The following RXRA variants were observed in gnomAD, a reference collection of about 807,000 sequenced individuals.
RXRA encodes the protein retinoid X receptor alpha.
In RXRA, 5 loss-of-function variants were observed where a neutral mutation model predicts 44.5. The observed-to-expected ratio is 0.11, with a 90% confidence interval of 0.06 to 0.24. The LOEUF (loss-of-function observed/expected upper bound fraction) is 0.24. Ranked by LOEUF, RXRA falls within the 10% of genes least tolerant of loss-of-function variation. The pLI is 1.00. For synonymous variants in RXRA, 291 were observed against 271.4 expected (o/e 1.07, Z -0.71); for missense variants, 412 against 646.5 (o/e 0.64, Z 3.93).
At chr9:134,401,916 G>T in intron 2 of RXRA, 34 bp downstream of exon 2, 3 of 1,507,856 alleles carry the variant, frequency 2.0e-6, no homozygotes, top group South Asian at 1.2e-5. Context: ...GGAGGGGGTG[G>T]GGCCTGGGGT....
Position 134,431,891 on chromosome 9 carries a change from C to A in RXRA, c.1044-14C>A, listed in dbSNP as rs200243301. The A allele has an allele frequency of 2.0e-5, 32 of 1,606,200 alleles. No homozygotes were observed. Among genetic ancestry groups the A allele is most frequent in the Non-Finnish European group, 1.9e-5 (22 of 1,173,562 alleles). The stretch of plus-strand genomic sequence containing the variant: ...ACCTAACTGGGATGGGGTGTCTGCC[C>A]TCCTCCTCTGCAGGGTGCTGACGGA... On this transcript the variant is annotated splice_polypyrimidine_tract_variant and intron_variant, in intron 7 of 9. Transcript: ENST00000481739.
intron 1 of RXRA, among the ~76,000 whole-genome samples, chr9:134,380,763 C>T (rs113247114): frequency 6.6e-6 from 1 of 152,240 alleles, no homozygotes; most frequent in African/African-American, 2.4e-5. Flanking sequence ...TCCCCGGCAC[C>T]TGGGTCTGGC....
At chr9:134,402,116 G>C in intron 2 of RXRA, 1 of 549,160 alleles carries the variant, frequency 1.8e-6, no homozygotes, top group Non-Finnish European at 3.2e-6. Flanking sequence ...ACTTGCAGCT[G>C]GTTATCTGCC....
At chr9:134,361,380 G>A (rs1419603034) in intron 1 of RXRA, among the ~76,000 whole-genome samples, 2 of 152,160 alleles carry the variant, frequency 1.3e-5, no homozygotes, top group Non-Finnish European at 2.9e-5. Context: ...CTGTGTGCCC[G>A]GCCCCTGGGC....
At chr9:134,410,814 A>G (rs1831136170) in intron 4 of RXRA, among the ~76,000 whole-genome samples, 1 of 152,212 alleles carries the variant, frequency 6.6e-6, no homozygotes, top group Non-Finnish European at 1.5e-5. Context: ...TGGGGGCTTC[A>G]GGGAGACCCC....
chr9:134,398,536 G>A (rs961529523), intron 1 of RXRA, among the ~76,000 whole-genome samples: 1 of 152,178 alleles, frequency 6.6e-6, no homozygotes, highest in African/African-American at 2.4e-5. Context: ...TATGGACGGA[G>A]TCTGTGTAAA....
rs1243292200 is a variant in RXRA, at chr9:134,417,704, A to G, written c.780+377A>G. Among the ~76,000 whole-genome samples the G allele has an allele frequency of 5.9e-5, 9 of 151,962 alleles. No individual in the cohort carries two copies. Among genetic ancestry groups the G allele is most frequent in the Non-Finnish European group, 7.4e-5 (5 of 67,962 alleles). On this transcript the variant is annotated intron_variant, in intron 5 of 9. Coordinates refer to ENST00000481739, the MANE Select transcript of RXRA (RefSeq NM_002957.6). The surrounding 1 kb of genome is among the most constrained non-coding windows in gnomAD (Gnocchi z 6.1). ...CCCTGCTCCCCGGTGCCACTTGGAA[A>G]AGGTATGGGAGGAGGCCGAGCCCCC...
At chr9:134,381,685 A>G (rs1830648341) in intron 1 of RXRA, among the ~76,000 whole-genome samples, 1 of 152,028 alleles carries the variant, frequency 6.6e-6, no homozygotes, top group Non-Finnish European at 1.5e-5. Context: ...CAAGTGAATG[A>G]CAGAGCCCCT....
At chr9:134,374,241 A>G (rs1395097564) in intron 1 of RXRA, 1 of 152,326 alleles carries the variant, frequency 6.6e-6, no homozygotes, top group Non-Finnish European at 1.5e-5. Context: ...ACTCAAACCC[A>G]GATCCGCAGG....
At chr9:134,383,764 T>A (rs919942829) in intron 1 of RXRA, among the ~76,000 whole-genome samples, 4 of 152,062 alleles carry the variant, frequency 2.6e-5, no homozygotes, top group Admixed American at 2.6e-4. Context: ...GACGGGTAGG[T>A]GGGCTGTGAT....
At chr9:134,413,734 C>G (rs556526354) in intron 4 of RXRA, among the ~76,000 whole-genome samples, 2 of 152,172 alleles carry the variant, frequency 1.3e-5, no homozygotes, top group Non-Finnish European at 2.9e-5. Context: ...TCCTGCTTGA[C>G]CCTGAGGGGC....
chr9:134,409,061 G>T lies in RXRA; in HGVS notation c.552G>T (p.Arg184=). ...NKDCLIDKRQ[R]NRCQYCRYQK... is the part of the protein sequence containing the mutation. ...ACTGCCTGATTGACAAGCGGCAGCG[G>T]AACCGGTGCCAGTACTGCCGCTACC... The change falls in exon 4 of 10, where the codon CGG becomes CGT. Residue 184 remains arginine, a synonymous_variant. Coordinates refer to ENST00000481739, the MANE Select transcript of RXRA (RefSeq NM_002957.6). 1.9e-6 allele frequency: 3 copies of T among 1,611,640 alleles called. No individual in the cohort carries two copies. The highest frequency in any genetic ancestry group is 2.5e-6 in the Non-Finnish European group (3 of 1,179,010).
intron 5 of RXRA, among the ~76,000 whole-genome samples, chr9:134,419,540 G>C (rs1427591419): frequency 1.3e-5 from 2 of 152,184 alleles, no homozygotes; most frequent in Admixed American, 1.3e-4. Flanking sequence ...CCTTCTCTCA[G>C]ATGGGCAAAC....
In RXRA at chr9:134,343,337, C is replaced by T. The variant is rs1830109259; in HGVS notation, c.28+16678C>T. On this transcript the variant is annotated intron_variant, in intron 1 of 9. Transcript: ENST00000481739. This position sits in a 1 kb window ranked among gnomAD's most constrained non-coding sequence, Gnocchi z 4.1. ...GCAGGGAAGGCCCTGGCTGGGGTTG[C>T]CTCTGAACCTCAGTGTCTTTGAGGG... is the stretch of plus-strand genomic sequence containing the variant. Among the ~76,000 whole-genome samples, 1 of 152,134 alleles carries T rather than the reference C, an allele frequency of 6.6e-6. No homozygotes were observed. The highest frequency in any genetic ancestry group is 1.5e-5 in the Non-Finnish European group (1 of 68,024).
At chr9:134,387,806 GCTT>G (rs1394803260) in intron 1 of RXRA, among the ~76,000 whole-genome samples, 1 of 152,220 alleles carries the variant, frequency 6.6e-6, no homozygotes, top group Non-Finnish European at 1.5e-5. Flanking sequence ...TCTGGGCTCA[GCTT>G]CTCCCCTTTT....
At position 134,439,399 on chromosome 9, in the gene RXRA, C is replaced by T. The variant is rs1189287152; in HGVS notation, c.*2785C>T. The T allele has an allele frequency of 6.6e-6, 1 of 152,254 alleles. No homozygotes were observed. The highest frequency in any genetic ancestry group is 1.9e-4 in the East Asian group (1 of 5,186). The allele number at this position is 152,254 out of a possible 1,614,324, so 9.4% of individuals were successfully genotyped here. On this transcript the variant is annotated 3_prime_UTR_variant, in exon 10 of 10. Coordinates refer to ENST00000481739, the MANE Select transcript of RXRA (RefSeq NM_002957.6). The stretch of plus-strand genomic sequence containing the variant: ...GGAGTGAAGATGCCACAGAGCCGGG[C>T]TCCCCTAGGCTGCGTCGGGCATGCT...
chr9:134,411,043 GC>G lies in RXRA; in HGVS notation c.610+1925del, dbSNP rs1159862610. ...CGGTGAGACGCAGGCAGGCAGGAGG[GC>G]TGTTGACGCCTGAGGAATGAAAAGG... On this transcript the variant is annotated intron_variant, in intron 4 of 9. Transcript: ENST00000481739. 5.3e-5 allele frequency among the ~76,000 whole-genome samples: 8 copies of G among 152,340 alleles called. No individual in the cohort carries two copies. The East Asian group carries it at 1.5e-3, about 29-fold the overall frequency.
Position 134,343,756 on chromosome 9 carries a change from G to A in RXRA, c.28+17097G>A, listed in dbSNP as rs368860935. Reference sequence around the variant, plus strand: ...TCCATCCGCCCGTCCCCAGCCGGGCGCGGCACTGAGCTGAGGGAGCCTGCG... The same window carrying A: ...TCCATCCGCCCGTCCCCAGCCGGGCACGGCACTGAGCTGAGGGAGCCTGCG... On this transcript the variant is annotated intron_variant, in intron 1 of 9. Coordinates refer to ENST00000481739, the MANE Select transcript of RXRA (RefSeq NM_002957.6). The surrounding 1 kb of genome is among the most constrained non-coding windows in gnomAD (Gnocchi z 4.1). Among the ~76,000 whole-genome samples the A allele has an allele frequency of 7.9e-4, 120 of 152,232 alleles. No individual in the cohort carries two copies. The highest frequency in any genetic ancestry group is 2.6e-3 in the African/African-American group (109 of 41,544).
chr9:134,398,773 G>A lies in RXRA; in HGVS notation c.29-2859G>A, dbSNP rs184280602. 1.4e-3 allele frequency among the ~76,000 whole-genome samples: 211 copies of A among 152,342 alleles called. 1 individual carries two copies. Among genetic ancestry groups the A allele is most frequent in the African/African-American group, 5.0e-3 (208 of 41,580 alleles). On this transcript the variant is annotated intron_variant, in intron 1 of 9. Transcript: ENST00000481739. ...CCTTAAAATTCCCATCTTCTTCCCAGAGGCCAGGAAGAAAGGTGGGCGGCC... is the reference window on the plus strand; with the variant it reads ...CCTTAAAATTCCCATCTTCTTCCCAAAGGCCAGGAAGAAAGGTGGGCGGCC...
Sources: gnomAD v4.1 joint callset for allele counts (sites outside exome capture counted in the v4.1 genomes callset) on GRCh38, gnomAD v4.1.1 for gene constraint, Gnocchi (gnomAD v3.1) non-coding constraint, MANE v1.5 for transcripts, NCBI Gene and HGNC (gene_info 2026-07-23, HGNC 2026-07-21) for gene names.